PDGFD: variants seen among roughly 807,000 people sequenced by gnomAD.
PDGFD encodes platelet-derived growth factor D.
In PDGFD, 30 loss-of-function variants were observed where a neutral mutation model predicts 44.7. The observed-to-expected ratio is 0.67, with a 90% confidence interval of 0.50 to 0.91. PDGFD has a LOEUF of 0.91. Among genes scored for constraint, PDGFD ranks in the 40% least tolerant of loss-of-function variants. PDGFD has a pLI of 0.00. For missense variants in PDGFD, 445 were observed against 457.8 expected, an observed-to-expected ratio of 0.97 and a Z score of 0.25; for synonymous variants, 173 against 168.4, an observed-to-expected ratio of 1.03 and a Z score of -0.21.
chr11:103,937,698 C>T (rs930357676), intron 5 of PDGFD, among the ~76,000 whole-genome samples: 4 of 102,970 alleles, frequency 3.9e-5, no homozygotes, highest in South Asian at 8.7e-4. Flanking sequence ...TGCTATCCCT[C>T]CCCCCTCCCC....
intron 1 of PDGFD, among the ~76,000 whole-genome samples, chr11:104,086,760 C>T (rs1350201596): frequency 6.6e-6 from 1 of 152,136 alleles, no homozygotes; most frequent in African/African-American, 2.4e-5. Context: ...AATTATTTTA[C>T]TGAAGTGAAA....
At chr11:103,915,742 G>C (rs1858113393) in intron 6 of PDGFD, among the ~76,000 whole-genome samples, 1 of 152,126 alleles carries the variant, frequency 6.6e-6, no homozygotes. Flanking sequence ...TACCAAAACA[G>C]ATATATAGAC....
chr11:104,122,808 T>C (rs988651988), intron 1 of PDGFD, among the ~76,000 whole-genome samples: 3 of 152,066 alleles, frequency 2.0e-5, no homozygotes, highest in South Asian at 2.1e-4. Flanking sequence ...CTACCAGTTT[T>C]GGATTTGTAC....
At chr11:103,921,334 G>A (rs969865141) in intron 6 of PDGFD, among the ~76,000 whole-genome samples, 13 of 152,054 alleles carry the variant, frequency 8.5e-5, no homozygotes, top group African/African-American at 2.9e-4. Context: ...AACTCCTTGC[G>A]CGAAATTTAT....
chr11:104,039,387 A>C (rs941235116), intron 1 of PDGFD, among the ~76,000 whole-genome samples: 1 of 152,090 alleles, frequency 6.6e-6, no homozygotes, highest in Non-Finnish European at 1.5e-5. Context: ...ATAAAGCCAC[A>C]TAAAGCATTC....
intron 3 of PDGFD, among the ~76,000 whole-genome samples, chr11:103,983,387 A>G (rs1859303488): frequency 6.6e-6 from 1 of 151,770 alleles, no homozygotes; most frequent in South Asian, 2.1e-4. Flanking sequence ...TTGAAACTGG[A>G]CCTCTTTCTT....
chr11:104,118,009 A>G (rs1324177146), intron 1 of PDGFD, among the ~76,000 whole-genome samples: 2 of 152,020 alleles, frequency 1.3e-5, no homozygotes, highest in Non-Finnish European at 2.9e-5. Flanking sequence ...TAAATTTTGT[A>G]TATTAAGATT....
chr11:103,969,217 T>C (rs972790977), intron 3 of PDGFD, among the ~76,000 whole-genome samples: 1 of 152,140 alleles, frequency 6.6e-6, no homozygotes, highest in Admixed American at 6.6e-5. Context: ...TGTGACACAT[T>C]CTCAAATTCT....
At chr11:103,929,727 T>C (rs1858371169) in intron 5 of PDGFD, among the ~76,000 whole-genome samples, 1 of 152,210 alleles carries the variant, frequency 6.6e-6, no homozygotes, top group Non-Finnish European at 1.5e-5. Flanking sequence ...TCTGACTGGA[T>C]GCAAATAACT....
chr11:104,099,699 T>C (rs1022420811), intron 1 of PDGFD, among the ~76,000 whole-genome samples: 1 of 150,534 alleles, frequency 6.6e-6, no homozygotes. Context: ...AAATGGAATA[T>C]ATCTCATCTT....
chr11:103,988,977 G>C (rs1193813673), intron 3 of PDGFD, among the ~76,000 whole-genome samples: 1 of 151,998 alleles, frequency 6.6e-6, no homozygotes, highest in South Asian at 2.1e-4. Context: ...CCTCATATGT[G>C]AAATCCTCAA....
At chr11:104,144,612 C>A (rs1269430956) in intron 1 of PDGFD, among the ~76,000 whole-genome samples, 1 of 151,540 alleles carries the variant, frequency 6.6e-6, no homozygotes, top group East Asian at 1.9e-4. Flanking sequence ...ATGATACAAC[C>A]AATTCAATGT....
intron 6 of PDGFD, among the ~76,000 whole-genome samples, chr11:103,912,968 C>T (rs946212707): frequency 2.0e-5 from 3 of 152,108 alleles, no homozygotes; most frequent in Admixed American, 6.5e-5. Context: ...TACAGGAGCA[C>T]CCAGATTCAT....
chr11:103,998,455 T>C (rs1859570385), intron 2 of PDGFD, among the ~76,000 whole-genome samples: 2 of 152,168 alleles, frequency 1.3e-5, no homozygotes, highest in African/African-American at 2.4e-5. Context: ...CCATCAATAC[T>C]CTTCTAGGCT....
At chr11:103,934,045 A>G (rs1184075249) in intron 5 of PDGFD, among the ~76,000 whole-genome samples, 2 of 152,256 alleles carry the variant, frequency 1.3e-5, no homozygotes, top group African/African-American at 4.8e-5. Context: ...TTACTAGACT[A>G]TGAATCCCTG....
intron 1 of PDGFD, among the ~76,000 whole-genome samples, chr11:104,131,141 G>A (rs1254969138): frequency 6.6e-6 from 1 of 152,098 alleles, no homozygotes; most frequent in East Asian, 1.9e-4. Context: ...TATTAGTTTT[G>A]TAAATATCAA....
At chr11:103,968,338 G>C (rs554123664) in intron 3 of PDGFD, among the ~76,000 whole-genome samples, 1 of 152,240 alleles carries the variant, frequency 6.6e-6, no homozygotes, top group South Asian at 2.1e-4. Context: ...TCTTTACTGA[G>C]ATCAGATCGT....
intron 1 of PDGFD, among the ~76,000 whole-genome samples, chr11:104,078,828 T>C (rs1198245892): frequency 2.1e-5 from 1 of 47,412 alleles, no homozygotes; most frequent in African/African-American, 2.6e-4. Context: ...TATTTACCAA[T>C]GAGGGAAGAA....
At chr11:104,152,948 T>C (rs191484846) in intron 1 of PDGFD, among the ~76,000 whole-genome samples, 22 of 152,292 alleles carry the variant, frequency 1.4e-4, no homozygotes, top group Admixed American at 1.4e-3. Flanking sequence ...AAAAACTTTA[T>C]AATATATAGT....
Sources: allele counts gnomAD v4.1 joint callset (sites outside exome capture counted in the v4.1 genomes callset), GRCh38; gene constraint gnomAD v4.1.1; transcripts MANE v1.5; gene names NCBI Gene and HGNC (gene_info 2026-07-23, HGNC 2026-07-21).